The following NR2C2 variants were observed in gnomAD, a reference collection of about 807,000 sequenced individuals.
The protein encoded by NR2C2 is nuclear receptor subfamily 2 group C member 2.
NR2C2 carries 6 observed loss-of-function variants against 62.9 expected under a neutral mutation model. The ratio of observed to expected loss-of-function variants is 0.10; its 90% CI spans 0.05 to 0.19. The LOEUF is 0.19. NR2C2 is among the 10% of genes least tolerant of loss of function. The pLI is 1.00. For synonymous variants in NR2C2, 272 were observed against 273.8 expected (o/e 0.99, Z 0.07); for missense variants, 479 against 762.7 (o/e 0.63, Z 4.38).
At chr3:14,950,314 A>C (rs1478702731) in intron 1 of NR2C2, among the ~76,000 whole-genome samples, 5 of 152,204 alleles carry the variant, frequency 3.3e-5, no homozygotes, top group African/African-American at 1.2e-4. Flanking sequence ...ACCAAAGTAT[A>C]GGGTGCTTTA....
chr3:15,013,463 G>T (rs9816752), intron 2 of NR2C2, 126 bp from the exon 3 acceptor site: 43,804 of 758,234 alleles, frequency 0.058, 1,596 homozygotes, highest in East Asian at 0.097. Flanking sequence ...GTGGACTGGT[G>T]AAAATGCATG....
intron 2 of NR2C2, among the ~76,000 whole-genome samples, chr3:15,012,230 CTT>C (rs112840297): frequency 1.4e-5 from 2 of 145,858 alleles, no homozygotes. Flanking sequence ...AGTTCCATTT[CTT>C]TTTTTTTTTT....
At chr3:14,984,494 C>T (rs1434596846) in intron 1 of NR2C2, among the ~76,000 whole-genome samples, 2 of 152,212 alleles carry the variant, frequency 1.3e-5, no homozygotes, top group African/African-American at 4.8e-5. Flanking sequence ...TAGGCAACCA[C>T]TGATCTTCTA....
intron 1 of NR2C2, among the ~76,000 whole-genome samples, chr3:14,970,707 G>A (rs914605651): frequency 1.3e-5 from 2 of 152,084 alleles, no homozygotes; most frequent in African/African-American, 4.8e-5. Flanking sequence ...TTCTACTTAT[G>A]TATCACATTT....
rs1169991698 is a variant in NR2C2, at chr3:15,003,872, A to G, written c.-39-4A>G. 1 of 1,597,756 alleles carries G rather than the reference A, an allele frequency of 6.3e-7. No individual in the cohort carries two copies. On this transcript the variant is annotated splice_region_variant and splice_polypyrimidine_tract_variant and intron_variant, in intron 1 of 13. Transcript: ENST00000425241. ...TTGTGATCCAGCCCACTTCTCACCCACAGGTAACACGTACACAGACCTCTC... is the reference window on the plus strand; with the variant it reads ...TTGTGATCCAGCCCACTTCTCACCCGCAGGTAACACGTACACAGACCTCTC...
At chr3:14,952,589 A>G (rs761918004) in intron 1 of NR2C2, among the ~76,000 whole-genome samples, 10 of 152,226 alleles carry the variant, frequency 6.6e-5, no homozygotes, top group Admixed American at 6.5e-4. Context: ...CTTTATTGCT[A>G]ATTATGAGGG....
intron 1 of NR2C2, among the ~76,000 whole-genome samples, chr3:14,984,793 G>A (rs2040470825): frequency 6.6e-6 from 1 of 151,436 alleles, no homozygotes; most frequent in South Asian, 2.1e-4. Context: ...CTTTTTCTTG[G>A]GTAGATAGCT....
chr3:15,015,400 A>T (rs1459880661), intron 3 of NR2C2, among the ~76,000 whole-genome samples: 6 of 152,244 alleles, frequency 3.9e-5, no homozygotes. Context: ...TTCAAAGGTC[A>T]TTTGTTCTCG....
intron 7 of NR2C2, chr3:15,026,773 C>A (rs1575024465): frequency 6.6e-6 from 1 of 152,204 alleles, no homozygotes; most frequent in Admixed American, 6.5e-5. Flanking sequence ...CACCTCGGCT[C>A]ACTGCAACTT....
intron 1 of NR2C2, among the ~76,000 whole-genome samples, chr3:14,999,683 T>G (rs1261021224): frequency 6.6e-6 from 1 of 150,908 alleles, no homozygotes; most frequent in East Asian, 1.9e-4. Flanking sequence ...TTTTTTTTTG[T>G]AATAGTGCAA....
chr3:14,977,904 G>A (rs1421930666), intron 1 of NR2C2, among the ~76,000 whole-genome samples: 2 of 147,754 alleles, frequency 1.4e-5, no homozygotes, highest in African/African-American at 2.5e-5. Flanking sequence ...GGCTGAGATT[G>A]TACCACTGCA....
Position 15,040,853 on chromosome 3 carries a change from A to ATGACT in NR2C2, c.1616+1626_1616+1627insTGACT. ...TATACATCCAGCCAGGTATACAGTC[A>ATGACT]GGTTGTCCTCCTAGGAGGCCACAGG... On this transcript the variant is annotated intron_variant, in intron 13 of 13. Transcript: ENST00000425241. Among the ~76,000 whole-genome samples the ATGACT allele has an allele frequency of 2.0e-5, 3 of 152,358 alleles. No individual in the cohort carries two copies. The South Asian group carries it at 6.2e-4, about 32-fold the overall frequency.
chr3:15,030,317 C>T lies in NR2C2; in HGVS notation c.975C>T (p.Ser325=). 9 of 1,612,504 alleles carry T rather than the reference C, an allele frequency of 5.6e-6. No individual in the cohort carries two copies. The highest frequency in any genetic ancestry group is 7.6e-6 in the Non-Finnish European group (9 of 1,179,560). Residue 325 remains serine (S), a synonymous_variant, in exon 9 of 14, where the codon AGC becomes AGT. Coordinates refer to ENST00000425241, the MANE Select transcript of NR2C2 (RefSeq NM_001291694.2). ...TLAKALNTTD[S]SSSPSLADGI... ...CTAAAGCACTTAATACCACAGACAG[C>T]TCCTCTTCTCCAAGCTTGGCAGATG...
chr3:14,966,170 T>C (rs1303761891), intron 1 of NR2C2, among the ~76,000 whole-genome samples: 1 of 152,210 alleles, frequency 6.6e-6, no homozygotes, highest in African/African-American at 2.4e-5. Context: ...ATAGTCAGTT[T>C]TGGATAATTG....
intron 1 of NR2C2, among the ~76,000 whole-genome samples, chr3:14,982,640 T>C (rs2125333299): frequency 6.6e-6 from 1 of 152,316 alleles, no homozygotes; most frequent in East Asian, 1.9e-4. Flanking sequence ...ATGTAAATGA[T>C]TTTGTTTATA....
rs775013041 is a variant in NR2C2 at position 15,030,329 on chromosome 3, A to G, written c.987A>G (p.Pro329=). The G allele has an allele frequency of 1.2e-6, 2 of 1,613,192 alleles. No individual in the cohort carries two copies. The highest frequency in any genetic ancestry group is 2.2e-5 in the East Asian group (1 of 44,812). Residue 329 remains proline, a synonymous_variant, in exon 9 of 14, where the codon CCA becomes CCG. Coordinates refer to ENST00000425241, the MANE Select transcript of NR2C2 (RefSeq NM_001291694.2). ...ATACCACAGACAGCTCCTCTTCTCCAAGCTTGGCAGATGGGATAGACACCA... is the reference window on the plus strand; with the variant it reads ...ATACCACAGACAGCTCCTCTTCTCCGAGCTTGGCAGATGGGATAGACACCA... The part of the protein sequence containing the change: ...ALNTTDSSSS[P]SLADGIDTSG...
At chr3:15,024,339 C>G in intron 7 of NR2C2, 131 bp downstream of exon 7, 1 of 616,218 alleles carries the variant, frequency 1.6e-6, no homozygotes, top group East Asian at 2.9e-5. Context: ...TCTCGGTCTC[C>G]TTATTGTTGT....
chr3:14,977,965 AAGAAG>A (rs1559541227), intron 1 of NR2C2, among the ~76,000 whole-genome samples: 3 of 145,066 alleles, frequency 2.1e-5, no homozygotes, highest in African/African-American at 5.1e-5. Context: ...AAAAAAAAAG[AAGAAG>A]AAGAAGAAGA....
chr3:15,042,891 A>G lies in NR2C2; in HGVS notation c.1674A>G (p.Thr558=), dbSNP rs2042319822. ...TCAGGCTGATGAGCTCCAACATAACAGAAGAACTTTTTTTTACTGGTCTCA... is the reference window on the plus strand; with the variant it reads ...TCAGGCTGATGAGCTCCAACATAACGGAAGAACTTTTTTTTACTGGTCTCA... ...PALRLMSSNI[T]EELFFTGLIG... The change falls in exon 14 of 14, where the codon ACA becomes ACG. Residue 558 remains threonine (T), a synonymous_variant. Coordinates refer to ENST00000425241, the MANE Select transcript of NR2C2 (RefSeq NM_001291694.2). 2 of 1,614,018 alleles carry G rather than the reference A, an allele frequency of 1.2e-6. No homozygotes were observed. The highest frequency in any genetic ancestry group is 4.5e-5 in the East Asian group (2 of 44,888).
Sources: allele counts gnomAD v4.1 joint callset (sites outside exome capture counted in the v4.1 genomes callset), GRCh38; gene constraint gnomAD v4.1.1; transcripts MANE v1.5; gene names NCBI Gene and HGNC (gene_info 2026-07-23, HGNC 2026-07-21).